The following SIAH1 variants were observed in gnomAD, a reference collection of about 807,000 sequenced individuals.
SIAH1 encodes the protein siah E3 ubiquitin protein ligase 1, also known as E3 ubiquitin-protein ligase SIAH1.
Under a neutral mutation model 20.0 loss-of-function variants are expected in SIAH1, and 2 were observed. The ratio of observed to expected loss-of-function variants is 0.10; its 90% CI spans 0.04 to 0.31. The LOEUF (loss-of-function observed/expected upper bound fraction) is 0.31. SIAH1 is among the 10% of genes least tolerant of loss of function. The pLI, the probability that SIAH1 is intolerant of heterozygous loss-of-function variation, is 1.00. For synonymous variants in SIAH1, 118 were observed against 125.3 expected (o/e 0.94, Z 0.39); for missense variants, 119 against 355.3 (o/e 0.33, Z 5.35).
At chr16:48,365,708 T>C (rs1203782847) in intron 1 of SIAH1, 1 of 1,424,728 alleles carries the variant, frequency 7.0e-7, no homozygotes, top group Non-Finnish European at 9.1e-7. Context: ...TCTCCAAAAA[T>C]GGGAGCCACA....
chr16:48,366,109 C>T (rs1445039931), intron 1 of SIAH1, among the ~76,000 whole-genome samples: 1 of 152,142 alleles, frequency 6.6e-6, no homozygotes, highest in African/African-American at 2.4e-5. Flanking sequence ...CCGTTGACCC[C>T]ATCCCACCCC....
At chr16:48,373,645 C>T (rs1005640393) in intron 1 of SIAH1, among the ~76,000 whole-genome samples, 1 of 152,208 alleles carries the variant, frequency 6.6e-6, no homozygotes, top group South Asian at 2.1e-4. Flanking sequence ...ATGTCTCCCA[C>T]CCTCACCACC....
At chr16:48,379,259 AG>A in intron 1 of SIAH1, among the ~76,000 whole-genome samples, 1 of 152,192 alleles carries the variant, frequency 6.6e-6, no homozygotes, top group African/African-American at 2.4e-5. Context: ...AGGGGAAGGC[AG>A]GGAACAGCAA....
intron 1 of SIAH1, among the ~76,000 whole-genome samples, chr16:48,371,036 C>G (rs770332614): frequency 1.5e-4 from 23 of 151,358 alleles, no homozygotes; most frequent in Non-Finnish European, 2.5e-4. Flanking sequence ...ATCGCTTGAA[C>G]CCGGGAGGGG....
chr16:48,361,342 G>T lies in SIAH1; in HGVS notation c.*238C>A. On this transcript the variant is annotated 3_prime_UTR_variant, in exon 2 of 2. Coordinates refer to ENST00000394725, the MANE Select transcript of SIAH1 (RefSeq NM_003031.4). ...TGCTTCCTTTCTTAATACAAAAGAT[G>T]CCCATCTTGGGTGTATATACATATA... 1 of 423,084 alleles carries T rather than the reference G, an allele frequency of 2.4e-6. No homozygotes were observed. The highest frequency in any genetic ancestry group is 4.3e-6 in the Non-Finnish European group (1 of 234,450). The allele number at this position is 423,084 out of a possible 1,614,324, so 26.2% of individuals were successfully genotyped here. A position where few individuals can be genotyped will look rare whatever the true frequency, so the allele number is the denominator to read the frequency against.
upstream of SIAH1, among the ~76,000 whole-genome samples, chr16:48,386,693 T>C (rs1028089752): frequency 2.6e-5 from 4 of 152,194 alleles, no homozygotes; most frequent in Non-Finnish European, 5.9e-5. Context: ...GGAAGGTCAA[T>C]AGAGTTCGGT....
intron 1 of SIAH1, among the ~76,000 whole-genome samples, chr16:48,380,027 A>C (rs111553017): frequency 4.6e-5 from 7 of 152,224 alleles, no homozygotes; most frequent in African/African-American, 1.7e-4. Flanking sequence ...CCAAAAGGAG[A>C]TCTCTTAAAG....
At chr16:48,367,042 G>A (rs2151048079) in intron 1 of SIAH1, among the ~76,000 whole-genome samples, 1 of 152,096 alleles carries the variant, frequency 6.6e-6, no homozygotes, top group South Asian at 2.1e-4. Context: ...CAGTAGCTAA[G>A]ACCACAGGCT....
upstream of SIAH1, among the ~76,000 whole-genome samples, chr16:48,385,786 C>G (rs913278742): frequency 1.3e-5 from 2 of 151,946 alleles, no homozygotes; most frequent in African/African-American, 2.4e-5. Context: ...CAGCGGGATG[C>G]GAGCCCCAGG....
chr16:48,374,656 G>A (rs1360086682), intron 1 of SIAH1, among the ~76,000 whole-genome samples: 1 of 152,074 alleles, frequency 6.6e-6, no homozygotes, highest in Non-Finnish European at 1.5e-5. Flanking sequence ...ACAACCTGAT[G>A]GAACATTTAG....
At chr16:48,368,774 CACTACCCCATCTCTAGTAAAACAAAA>C (rs1960910074) in intron 1 of SIAH1, among the ~76,000 whole-genome samples, 1 of 152,032 alleles carries the variant, frequency 6.6e-6, no homozygotes, top group African/African-American at 2.4e-5. Flanking sequence ...ATGCAATTAT[CACTACCCCATCTCTAGTAAAACAAAA>C]ATTATTCTTA....
At position 48,362,507 on chromosome 16, in the gene SIAH1, A is replaced by C. The variant is rs373089189; in HGVS notation, c.-2-77T>G. On this transcript the variant is annotated intron_variant, in intron 1 of 1. Transcript: ENST00000394725. This position sits in a 1 kb window ranked among gnomAD's most constrained non-coding sequence, Gnocchi z 4.2. ...ACTTTATAAATAATGTTTACATGCC[A>C]TAAGTCCTTTTAAAGTTTCATACAA... is the stretch of plus-strand genomic sequence containing the variant. 4.9e-6 allele frequency: 7 copies of C among 1,427,554 alleles called. No homozygotes were observed. The South Asian group carries it at 7.6e-5, about 16-fold the overall frequency. 88.4% of individuals were successfully genotyped at this position (1,427,554 alleles called of 1,614,324 possible). A position where few individuals can be genotyped will look rare whatever the true frequency, so the allele number is the denominator to read the frequency against.
chr16:48,372,587 G>C (rs771264154), intron 1 of SIAH1, among the ~76,000 whole-genome samples: 83 of 152,166 alleles, frequency 5.5e-4, no homozygotes, highest in Admixed American at 1.8e-3. Context: ...TTTTCTCTAC[G>C]CAAGCTAGAG....
chr16:48,364,767 A>G (rs1960762092), intron 1 of SIAH1: 1 of 152,532 alleles, frequency 6.6e-6, no homozygotes, highest in African/African-American at 2.4e-5. Flanking sequence ...ACAATTACAA[A>G]GTGGTTCCTT....
upstream of SIAH1, among the ~76,000 whole-genome samples, chr16:48,386,609 T>C (rs1961474002): frequency 2.0e-5 from 3 of 152,388 alleles, no homozygotes; most frequent in South Asian, 6.2e-4. Context: ...GTTTACAGTA[T>C]TCCTAATTAC....
chr16:48,368,433 C>T (rs985109341), intron 1 of SIAH1, among the ~76,000 whole-genome samples: 4 of 152,294 alleles, frequency 2.6e-5, no homozygotes, highest in East Asian at 1.9e-4. Flanking sequence ...TGGTGGCTCA[C>T]GCCTGTAATC....
chr16:48,374,793 TCAGTTTATTA>T (rs1178213224), intron 1 of SIAH1, among the ~76,000 whole-genome samples: 1 of 152,018 alleles, frequency 6.6e-6, no homozygotes, highest in Admixed American at 6.6e-5. Context: ...AAAGAAGTAA[TCAGTTTATTA>T]CATGGCTCAA....
chr16:48,378,090 G>A (rs1167941831), intron 1 of SIAH1, among the ~76,000 whole-genome samples: 2 of 152,102 alleles, frequency 1.3e-5, no homozygotes, highest in African/African-American at 4.8e-5. Flanking sequence ...AGTGGCTCAC[G>A]CCTGTAATCC....
chr16:48,361,880 G>C lies in SIAH1; in HGVS notation c.549C>G (p.Ser183=), dbSNP rs1158397393. ...CTAACATGAAGTGAAAGCCAAAACA[G>C]GACTGCATCATCACCCAGTCAACAG... ...PGAVDWVMMQ[S]CFGFHFMLVL... is the part of the protein sequence containing the mutation. The change falls in exon 2 of 2, where the codon TCC becomes TCG. Residue 183 remains serine, a synonymous_variant. Coordinates refer to ENST00000394725, the MANE Select transcript of SIAH1 (RefSeq NM_003031.4). The C allele has an allele frequency of 1.2e-6, 2 of 1,614,132 alleles. No individual in the cohort carries two copies. The highest frequency in any genetic ancestry group is 3.3e-5 in the Admixed American group (2 of 60,004).
Sources: allele counts gnomAD v4.1 joint callset (sites outside exome capture counted in the v4.1 genomes callset), GRCh38; gene constraint gnomAD v4.1.1; non-coding constraint Gnocchi (gnomAD v3.1); transcripts MANE v1.5; gene names NCBI Gene and HGNC (gene_info 2026-07-23, HGNC 2026-07-21).